CADM1: variants seen among roughly 807,000 people sequenced by gnomAD.
The protein encoded by CADM1 is TSLC-1.
In CADM1, 15 loss-of-function variants were observed where a neutral mutation model predicts 53.1. The observed-to-expected ratio is 0.28, with a 90% CI of 0.19 to 0.44. The LOEUF (loss-of-function observed/expected upper bound fraction) is 0.44. CADM1 is among the 20% of genes least tolerant of loss of function. The pLI is 1.00. For synonymous variants in CADM1, 281 were observed against 243.0 expected (o/e 1.16, Z -1.45); for missense variants, 434 against 611.3 (o/e 0.71, Z 3.06).
intron 1 of CADM1, among the ~76,000 whole-genome samples, chr11:115,242,910 T>C (rs893428515): frequency 6.6e-6 from 1 of 152,228 alleles, no homozygotes; most frequent in African/African-American, 2.4e-5. Flanking sequence ...GCTTTAATTT[T>C]AGCTCTTTAT....
At chr11:115,391,337 A>G (rs1489007216) in intron 1 of CADM1, among the ~76,000 whole-genome samples, 1 of 152,208 alleles carries the variant, frequency 6.6e-6, no homozygotes, top group Non-Finnish European at 1.5e-5. Context: ...GTTCTTTATC[A>G]GCAAAACGAT....
chr11:115,263,062 C>T (rs548774301), intron 1 of CADM1, among the ~76,000 whole-genome samples: 3 of 152,278 alleles, frequency 2.0e-5, no homozygotes, highest in South Asian at 4.1e-4. Flanking sequence ...ATGATAACAC[C>T]GAGGTTATGA....
At chr11:115,311,351 C>CT (rs1322102079) in intron 1 of CADM1, among the ~76,000 whole-genome samples, 1 of 152,180 alleles carries the variant, frequency 6.6e-6, no homozygotes, top group East Asian at 1.9e-4. Context: ...AGGCACTGGG[C>CT]TAAGCACTCC....
At chr11:115,321,741 T>C (rs562404522) in intron 1 of CADM1, among the ~76,000 whole-genome samples, 23 of 152,300 alleles carry the variant, frequency 1.5e-4, no homozygotes, top group African/African-American at 3.4e-4. Flanking sequence ...ATTATTACAA[T>C]GTGTTTGTCT....
In CADM1 at chr11:115,441,344, G is replaced by C. The variant is rs1565429462; in HGVS notation, c.124+62927C>G. 2.0e-5 allele frequency among the ~76,000 whole-genome samples: 3 copies of C among 152,208 alleles called. No homozygotes were observed. The East Asian group carries it at 5.8e-4, about 29-fold the overall frequency. ...AGTTTTAACCATTCAAATACAAAAT[G>C]TGTAAAGTTTGCAGAGATATTGAAT... is the stretch of plus-strand genomic sequence containing the variant. On this transcript the variant is annotated intron_variant, in intron 1 of 11. Transcript: ENST00000331581.
rs1946363980 is a variant in CADM1 at position 115,373,595 on chromosome 11, AAAAAAAAAAAAAAG to A, written c.124+130662_124+130675del. ...CAAGACTCTGTCTCAAAAAAAAAAA[AAAAAAAAAAAAAAG>A]AAGAAGAAGAAGAAGAAAGAATGTG... On this transcript the variant is annotated intron_variant, in intron 1 of 11. Coordinates refer to ENST00000331581, the MANE Select transcript of CADM1 (RefSeq NM_001301043.2). 2.8e-5 allele frequency among the ~76,000 whole-genome samples: 4 copies of A among 143,024 alleles called. No homozygotes were observed. The South Asian group carries it at 8.9e-4, about 32-fold the overall frequency. 93.8% of individuals were successfully genotyped at this position (143,024 alleles called of 152,430 possible).
At chr11:115,256,645 A>C in intron 1 of CADM1, among the ~76,000 whole-genome samples, 1 of 152,312 alleles carries the variant, frequency 6.6e-6, no homozygotes, top group Non-Finnish European at 1.5e-5. Flanking sequence ...AATTTGTTTC[A>C]GTTTTCCAGT....
At chr11:115,253,596 G>C (rs1942678595) in intron 1 of CADM1, among the ~76,000 whole-genome samples, 1 of 152,132 alleles carries the variant, frequency 6.6e-6, no homozygotes, top group Admixed American at 6.5e-5. Flanking sequence ...CTTGAATGTA[G>C]GAAGCAAATC....
intron 1 of CADM1, among the ~76,000 whole-genome samples, chr11:115,481,872 C>G (rs1439700824): frequency 6.6e-6 from 1 of 152,190 alleles, no homozygotes; most frequent in Admixed American, 6.5e-5. Context: ...TGCTCCCTAA[C>G]TGCTCTCCTA....
rs563688023 is a variant in CADM1, at chr11:115,283,205, G to A, written c.125-42785C>T. On this transcript the variant is annotated intron_variant, in intron 1 of 11. Transcript: ENST00000331581. ...CTCATTAGGAAAACAGTCCCTGAAAGAGGAAAGCATTTTAGAGGCTACGCA... is the reference window on the plus strand; with the variant it reads ...CTCATTAGGAAAACAGTCCCTGAAAAAGGAAAGCATTTTAGAGGCTACGCA... 5.3e-5 allele frequency among the ~76,000 whole-genome samples: 8 copies of A among 152,282 alleles called. No individual in the cohort carries two copies. In the South Asian group the frequency reaches 1.7e-3, roughly 32 times the overall value.
intron 1 of CADM1, among the ~76,000 whole-genome samples, chr11:115,274,378 T>A (rs536438731): frequency 6.6e-6 from 1 of 152,362 alleles, no homozygotes; most frequent in African/African-American, 2.4e-5. Flanking sequence ...CATTTCACTA[T>A]CCCCATCAAT....
chr11:115,490,534 G>T (rs946782685), intron 1 of CADM1, among the ~76,000 whole-genome samples: 1 of 151,850 alleles, frequency 6.6e-6, no homozygotes, highest in Non-Finnish European at 1.5e-5. Context: ...GAGTAGCTGG[G>T]ACTACAGGCG....
intron 1 of CADM1, among the ~76,000 whole-genome samples, chr11:115,338,075 G>T (rs975804362): frequency 3.8e-4 from 58 of 152,140 alleles, no homozygotes; most frequent in African/African-American, 4.8e-5. Flanking sequence ...TGAATTGAGA[G>T]AAAGTTCACA....
At chr11:115,212,031 G>A (rs547660967) in intron 7 of CADM1, among the ~76,000 whole-genome samples, 1 of 152,302 alleles carries the variant, frequency 6.6e-6, no homozygotes, top group Non-Finnish European at 1.5e-5. Flanking sequence ...TCTGGCTAAA[G>A]TGACCTGAAA....
intron 9 of CADM1, among the ~76,000 whole-genome samples, chr11:115,196,541 G>A (rs1461039193): frequency 1.6e-5 from 2 of 124,334 alleles, no homozygotes; most frequent in Admixed American, 1.0e-4. Flanking sequence ...CACATTGGAA[G>A]AAGAATTGTC....
At chr11:115,232,183 T>G (rs1256382318) in intron 3 of CADM1, among the ~76,000 whole-genome samples, 1 of 152,078 alleles carries the variant, frequency 6.6e-6, no homozygotes, top group Non-Finnish European at 1.5e-5. Context: ...AAGCAGTATT[T>G]CTCCTTGAAC....
At chr11:115,320,036 C>A (rs1469295432) in intron 1 of CADM1, among the ~76,000 whole-genome samples, 1 of 152,112 alleles carries the variant, frequency 6.6e-6, no homozygotes, top group Non-Finnish European at 1.5e-5. Context: ...CTAGTTCCAT[C>A]TTTTCTAAAC....
At chr11:115,435,903 T>C (rs1948173162) in intron 1 of CADM1, among the ~76,000 whole-genome samples, 1 of 152,174 alleles carries the variant, frequency 6.6e-6, no homozygotes, top group African/African-American at 2.4e-5. Flanking sequence ...AGTTTGCCAG[T>C]ATCTGGCCTA....
intron 1 of CADM1, among the ~76,000 whole-genome samples, chr11:115,329,009 T>C (rs1385837936): frequency 6.6e-6 from 1 of 151,748 alleles, no homozygotes; most frequent in African/African-American, 2.4e-5. Context: ...CTTCAATAAA[T>C]TTTAATGAAC....
Sources: allele counts gnomAD v4.1 joint callset (sites outside exome capture counted in the v4.1 genomes callset), GRCh38; gene constraint gnomAD v4.1.1; transcripts MANE v1.5; gene names NCBI Gene and HGNC (gene_info 2026-07-23, HGNC 2026-07-21).